The following EPB41L2 variants were observed in gnomAD, a reference collection of about 807,000 sequenced individuals.
The protein encoded by EPB41L2 is erythrocyte membrane protein band 4.1 like 2.
Under a neutral mutation model 113.0 loss-of-function variants are expected in EPB41L2, and 43 were observed. That is an observed-to-expected ratio of 0.38 (90% CI 0.30 to 0.49). The LOEUF is 0.49. Among genes scored for constraint, EPB41L2 ranks in the 20% least tolerant of loss-of-function variants. The probability of loss-of-function intolerance (pLI) is 0.95; values close to 1 mark genes in which losing one functional copy is unlikely to be tolerated. For synonymous variants in EPB41L2, 442 were observed against 436.7 expected (o/e 1.01, Z -0.15); for missense variants, 1,147 against 1,223.4 (o/e 0.94, Z 0.93).
chr6:130,979,132 T>C (rs745938332), intron 1 of EPB41L2, among the ~76,000 whole-genome samples: 1 of 152,144 alleles, frequency 6.6e-6, no homozygotes, highest in Non-Finnish European at 1.5e-5. Context: ...AAAATGCTAT[T>C]AACTTTGTAT....
At chr6:130,925,947 A>G (rs1440262765) in intron 4 of EPB41L2, among the ~76,000 whole-genome samples, 1 of 152,248 alleles carries the variant, frequency 6.6e-6, no homozygotes. Flanking sequence ...ATATATAATT[A>G]TCACTCTTAT....
intron 1 of EPB41L2, among the ~76,000 whole-genome samples, chr6:131,012,937 T>C (rs1184260670): frequency 6.6e-6 from 1 of 152,176 alleles, no homozygotes; most frequent in African/African-American, 2.4e-5. Context: ...AAATGAACAT[T>C]TGTAATAGTA....
intron 1 of EPB41L2, among the ~76,000 whole-genome samples, chr6:131,024,207 TGAG>T (rs993030506): frequency 1.3e-5 from 2 of 151,328 alleles, no homozygotes; most frequent in Non-Finnish European, 2.9e-5. Context: ...GGTTGACAGG[TGAG>T]GAGAAGAGAA....
intron 3 of EPB41L2, among the ~76,000 whole-genome samples, chr6:130,937,884 CAA>C (rs140892591): frequency 0.071 from 10,647 of 150,820 alleles, 535 homozygotes; most frequent in Admixed American, 0.13. Context: ...TCTTCAATGA[CAA>C]CTATATTTGA....
At chr6:131,009,270 C>T (rs1786348319) in intron 1 of EPB41L2, among the ~76,000 whole-genome samples, 1 of 152,188 alleles carries the variant, frequency 6.6e-6, no homozygotes, top group Non-Finnish European at 1.5e-5. Flanking sequence ...ATTCACTCTC[C>T]TGCTGCCCTG....
rs1173596676 is a variant in EPB41L2 at position 130,955,086 on chromosome 6, A to C, written c.705+19T>G. ...CAATCCACATATCAAGCTAGCTCTC[A>C]CTCAGCTCCCTATCTCACCTCCAGG... On this transcript the variant is annotated intron_variant, in intron 3 of 19. Transcript: ENST00000337057. The C allele has an allele frequency of 6.2e-7, 1 of 1,609,002 alleles. No individual in the cohort carries two copies. Among genetic ancestry groups the C allele is most frequent in the East Asian group, 2.2e-5 (1 of 44,840 alleles).
intron 19 of EPB41L2, among the ~76,000 whole-genome samples, chr6:130,841,116 G>C (rs967178823): frequency 2.7e-5 from 4 of 150,934 alleles, no homozygotes; most frequent in Non-Finnish European, 5.9e-5. Context: ...TGAAGAAAGG[G>C]ACATTACTAA....
intron 1 of EPB41L2, among the ~76,000 whole-genome samples, chr6:130,960,923 T>C (rs893756318): frequency 2.0e-5 from 3 of 152,180 alleles, no homozygotes; most frequent in Admixed American, 6.5e-5. Flanking sequence ...TACTGCTATG[T>C]TCCCAGCATC....
At chr6:131,041,758 AAAG>A (rs1794499519) in intron 1 of EPB41L2, among the ~76,000 whole-genome samples, 1 of 152,200 alleles carries the variant, frequency 6.6e-6, no homozygotes, top group Non-Finnish European at 1.5e-5. Context: ...ACTGAAAGAA[AAAG>A]AAGAGAAACA....
intron 1 of EPB41L2, among the ~76,000 whole-genome samples, chr6:130,958,443 C>A (rs1226762487): frequency 1.4e-5 from 2 of 147,622 alleles, no homozygotes; most frequent in Non-Finnish European, 3.0e-5. Context: ...CAAAACAAGA[C>A]CCTGTCTCAA....
chr6:131,059,543 A>C (rs369638972), intron 1 of EPB41L2, among the ~76,000 whole-genome samples: 1 of 83,244 alleles, frequency 1.2e-5, no homozygotes, highest in East Asian at 5.9e-4. Context: ...CAAATCTCAT[A>C]ATATCAAGTT....
intron 19 of EPB41L2, among the ~76,000 whole-genome samples, chr6:130,844,147 G>A (rs1776306850): frequency 6.6e-6 from 1 of 152,070 alleles, no homozygotes; most frequent in Admixed American, 6.5e-5. Flanking sequence ...GCAAAAATGT[G>A]GTTTTCCCCC....
At chr6:130,899,689 C>G (rs547440021) in intron 7 of EPB41L2, 111 bp from the exon 8 acceptor site, 1 of 952,000 alleles carries the variant, frequency 1.1e-6, no homozygotes, top group South Asian at 1.5e-5. Flanking sequence ...AGTTACCCAG[C>G]CAAGTTTGCA....
chr6:130,970,109 G>A (rs1010292952), intron 1 of EPB41L2, among the ~76,000 whole-genome samples: 1 of 152,046 alleles, frequency 6.6e-6, no homozygotes, highest in Non-Finnish European at 1.5e-5. Flanking sequence ...AACAGTGTAC[G>A]TACCCAGATT....
intron 1 of EPB41L2, among the ~76,000 whole-genome samples, chr6:130,994,465 T>C (rs764384716): frequency 1.3e-5 from 2 of 152,118 alleles, no homozygotes; most frequent in Non-Finnish European, 2.9e-5. Context: ...ATAGGCTAGA[T>C]AGAAATGGAA....
At chr6:130,968,370 C>T (rs966016067) in intron 1 of EPB41L2, among the ~76,000 whole-genome samples, 2 of 152,164 alleles carry the variant, frequency 1.3e-5, no homozygotes, top group African/African-American at 4.8e-5. Flanking sequence ...TCTCTATAAG[C>T]TTTGGAATGC....
intron 3 of EPB41L2, among the ~76,000 whole-genome samples, chr6:130,930,752 G>C (rs1447462417): frequency 6.6e-6 from 1 of 151,798 alleles, no homozygotes; most frequent in African/African-American, 2.4e-5. Flanking sequence ...ATTATTGAGA[G>C]ACACAGTATC....
intron 3 of EPB41L2, among the ~76,000 whole-genome samples, chr6:130,940,464 C>CTTT (rs201049585): frequency 7.0e-6 from 1 of 142,934 alleles, no homozygotes; most frequent in Non-Finnish European, 1.5e-5. Context: ...CTAAATATAT[C>CTTT]TTTTTTTTTT....
Position 130,951,691 on chromosome 6 carries a change from T to C in EPB41L2, c.705+3414A>G, listed in dbSNP as rs1050662743. Among the ~76,000 whole-genome samples the C allele has an allele frequency of 3.3e-5, 5 of 151,992 alleles. No homozygotes were observed. The South Asian group carries it at 1.0e-3, about 32-fold the overall frequency. ...ACCAGCCTAATATAAGCTGTAGTAC[T>C]GTTTTCATGGTTTTGAGTATCCTTC... On this transcript the variant is annotated intron_variant, in intron 3 of 19. Coordinates refer to ENST00000337057, the MANE Select transcript of EPB41L2 (RefSeq NM_001431.4).
Sources: gnomAD v4.1 joint callset for allele counts (sites outside exome capture counted in the v4.1 genomes callset) on GRCh38, gnomAD v4.1.1 for gene constraint, MANE v1.5 for transcripts, NCBI Gene and HGNC (gene_info 2026-07-23, HGNC 2026-07-21) for gene names.